PTPRN2: variants seen among roughly 807,000 people sequenced by gnomAD.
PTPRN2 encodes receptor-type tyrosine-protein phosphatase N2.
Under a neutral mutation model 118.8 loss-of-function variants are expected in PTPRN2, and 74 were observed. That is an observed-to-expected ratio of 0.62 (90% confidence interval 0.52 to 0.76). PTPRN2 has a LOEUF of 0.76. PTPRN2 is among the 30% of genes least tolerant of loss of function. PTPRN2 has a pLI of 0.00. For synonymous variants in PTPRN2, 641 were observed against 608.0 expected, an observed-to-expected ratio of 1.05 and a Z score of -0.80; for missense variants, 1,481 against 1,394.4, an observed-to-expected ratio of 1.06 and a Z score of -0.99.
Position 157,621,433 on chromosome 7 carries a change from T to G in PTPRN2, c.2273A>C (p.Glu758Ala). 6.2e-7 allele frequency: 1 copy of G among 1,613,912 alleles called. No individual in the cohort carries two copies. The highest frequency in any genetic ancestry group is 8.5e-7 in the Non-Finnish European group (1 of 1,180,006). Reference sequence around the variant, plus strand: ...CTGGGCCACGAACGAGCTGTTGGGCTCCGCCTGGTAGGCGCACAGCGCTTC... The same window carrying G: ...CTGGGCCACGAACGAGCTGTTGGGCGCCGCCTGGTAGGCGCACAGCGCTTC... ...EWEALCAYQAEPNSSFVAQRE... is the reference protein window; with the variant it reads ...EWEALCAYQAAPNSSFVAQRE... The change falls in exon 15 of 23, where the codon GAG (glutamate) becomes GCG (alanine). Residue 758 changes from glutamate to alanine, a missense_variant. Coordinates refer to ENST00000389418, the MANE Select transcript of PTPRN2 (RefSeq NM_002847.5).
intron 14 of PTPRN2, among the ~76,000 whole-genome samples, chr7:157,651,532 G>A (rs767314649): frequency 3.3e-4 from 50 of 152,174 alleles, no homozygotes; most frequent in Non-Finnish European, 4.7e-4. Flanking sequence ...AAAGGTGGAC[G>A]CGGTGGCTCC....
At chr7:157,555,899 G>A (rs1798852026) in intron 21 of PTPRN2, among the ~76,000 whole-genome samples, 1 of 152,232 alleles carries the variant, frequency 6.6e-6, no homozygotes, top group African/African-American at 2.4e-5. Flanking sequence ...TGCCCCAGGA[G>A]CGCAGAGCTC....
At chr7:158,080,018 C>A (rs1046710909) in intron 11 of PTPRN2, among the ~76,000 whole-genome samples, 1 of 152,152 alleles carries the variant, frequency 6.6e-6, no homozygotes, top group African/African-American at 2.4e-5. Context: ...ATTTCAACCA[C>A]AAATTCTCAG....
At position 157,674,799 on chromosome 7, in the gene PTPRN2, C is replaced by T. The variant is rs565270723; in HGVS notation, c.2001+7926G>A. ...GCACGAGGCTGTCACCTGGAGATTC[C>T]GGCCCTGCCGGGCGTCTCCTCCCAC... On this transcript the variant is annotated intron_variant, in intron 13 of 22. Coordinates refer to ENST00000389418, the MANE Select transcript of PTPRN2 (RefSeq NM_002847.5). This position sits in a 1 kb window ranked among gnomAD's most constrained non-coding sequence, Gnocchi z 4.5. Among the ~76,000 whole-genome samples, 9 of 152,240 alleles carry T rather than the reference C, an allele frequency of 5.9e-5. No homozygotes were observed. In the South Asian group the frequency reaches 1.0e-3, roughly 18 times the overall value.
intron 2 of PTPRN2, among the ~76,000 whole-genome samples, chr7:158,373,475 A>C (rs1009186729): frequency 6.6e-6 from 1 of 152,242 alleles, no homozygotes; most frequent in African/African-American, 2.4e-5. Context: ...TTAGTAAACT[A>C]GTATTCCCAA....
intron 11 of PTPRN2, among the ~76,000 whole-genome samples, chr7:157,933,321 T>C (rs1000627333): frequency 1.4e-5 from 2 of 138,432 alleles, no homozygotes; most frequent in African/African-American, 5.5e-5. Context: ...GAAGGGTGAG[T>C]CATTCTGATT....
intron 12 of PTPRN2, among the ~76,000 whole-genome samples, chr7:157,708,757 G>A (rs939522665): frequency 2.0e-5 from 3 of 152,122 alleles, no homozygotes; most frequent in African/African-American, 7.2e-5. Context: ...TGCTCTCCGT[G>A]AGACTTACGG....
At position 157,569,410 on chromosome 7, in the gene PTPRN2, C is replaced by T. The variant is rs576300687; in HGVS notation, c.2838-444G>A. Among the ~76,000 whole-genome samples, 341 of 152,374 alleles carry T rather than the reference C, an allele frequency of 2.2e-3. 1 individual carries two copies. Among genetic ancestry groups the T allele is most frequent in the African/African-American group, 7.6e-3 (316 of 41,584 alleles). On this transcript the variant is annotated intron_variant, in intron 20 of 22. Transcript: ENST00000389418. ...GCTGGGCGGCTGGGCCCCGCTGGCT[C>T]ATGCACGCAGGGACACTTCAGGCAC...
chr7:158,518,709 G>T (rs887364860), intron 1 of PTPRN2, among the ~76,000 whole-genome samples: 2 of 152,198 alleles, frequency 1.3e-5, no homozygotes, highest in African/African-American at 2.4e-5. Context: ...TTGAGGCCAG[G>T]CGCGGTGGTT....
chr7:158,333,688 AC>A (rs1376115047), intron 2 of PTPRN2, among the ~76,000 whole-genome samples: 407 of 150,634 alleles, frequency 2.7e-3, no homozygotes, highest in African/African-American at 9.7e-3. Flanking sequence ...CATCACTCAC[AC>A]CCACACTGTC....
In PTPRN2 at chr7:157,690,210, C is replaced by G. The variant is rs1007625896; in HGVS notation, c.1789-7273G>C. On this transcript the variant is annotated intron_variant, in intron 12 of 22. Coordinates refer to ENST00000389418, the MANE Select transcript of PTPRN2 (RefSeq NM_002847.5). The surrounding 1 kb of genome is among the most constrained non-coding windows in gnomAD (Gnocchi z 7.1). ...TCCAAATCTGTGCGCTCAGAAGGAG[C>G]TGCCCTTTGCCCGCTCCTCCTCACA... Among the ~76,000 whole-genome samples, 1 of 152,204 alleles carries G rather than the reference C, an allele frequency of 6.6e-6. No individual in the cohort carries two copies. Among genetic ancestry groups the G allele is most frequent in the Admixed American group, 6.5e-5 (1 of 15,294 alleles).
At chr7:158,399,726 T>A (rs1258946000) in intron 2 of PTPRN2, among the ~76,000 whole-genome samples, 1 of 151,798 alleles carries the variant, frequency 6.6e-6, no homozygotes, top group East Asian at 1.9e-4. Flanking sequence ...GAGGAAATTT[T>A]TAAAAGAAAA....
chr7:157,603,387 G>A lies in PTPRN2; in HGVS notation c.2418+615C>T, dbSNP rs2150581053. On this transcript the variant is annotated intron_variant, in intron 16 of 22. Coordinates refer to ENST00000389418, the MANE Select transcript of PTPRN2 (RefSeq NM_002847.5). This position sits in a 1 kb window ranked among gnomAD's most constrained non-coding sequence, Gnocchi z 5.4. ...TGAGAGGAGCCCCTGGGAAGTGAGGGACCACAGGCCACAGGGACTCATAAC... is the reference window on the plus strand; with the variant it reads ...TGAGAGGAGCCCCTGGGAAGTGAGGAACCACAGGCCACAGGGACTCATAAC... 6.6e-6 allele frequency among the ~76,000 whole-genome samples: 1 copy of A among 152,242 alleles called. No homozygotes were observed. The highest frequency in any genetic ancestry group is 2.1e-4 in the South Asian group (1 of 4,826).
At chr7:157,710,788 G>A (rs28513358) in intron 12 of PTPRN2, among the ~76,000 whole-genome samples, 84,412 of 119,224 alleles carry the variant, frequency 0.71, 29,128 homozygotes, top group South Asian at 0.8. Context: ...CGGGGCAGCC[G>A]GGTTACACGC....
At chr7:158,333,303 C>T (rs1375003940) in intron 2 of PTPRN2, among the ~76,000 whole-genome samples, 5 of 115,854 alleles carry the variant, frequency 4.3e-5, no homozygotes, top group African/African-American at 1.7e-4. Flanking sequence ...GAGGTGACAT[C>T]TGCAGACGTC....
chr7:158,097,966 G>C (rs188617453), intron 10 of PTPRN2, among the ~76,000 whole-genome samples: 1 of 152,128 alleles, frequency 6.6e-6, no homozygotes, highest in East Asian at 1.9e-4. Flanking sequence ...AGGCAGCACC[G>C]CGTGGCCGTG....
chr7:158,071,398 TCG>T (rs1563391057), intron 11 of PTPRN2, among the ~76,000 whole-genome samples: 3 of 90,816 alleles, frequency 3.3e-5, no homozygotes, highest in South Asian at 4.2e-4. Flanking sequence ...GTGGAGGTGC[TCG>T]TGGTGGAGTT....
At chr7:158,149,119 AATGACACCCCATCTCACG>A (rs1344330017) in intron 6 of PTPRN2, among the ~76,000 whole-genome samples, 4 of 150,306 alleles carry the variant, frequency 2.7e-5, no homozygotes, top group Admixed American at 1.3e-4. Flanking sequence ...TTTCCCCCTC[AATGACACCCCATCTCACG>A]CCACGTGTCT....
rs372537095 is a variant in PTPRN2 at position 158,276,920 on chromosome 7, T to A, written c.277+39899A>T. ...GGGCCATATGCTCAGGTGCTGTCTATCAGCTCTGGAGGGAGAAGCCAAACT... is the reference window on the plus strand; with the variant it reads ...GGGCCATATGCTCAGGTGCTGTCTAACAGCTCTGGAGGGAGAAGCCAAACT... On this transcript the variant is annotated intron_variant, in intron 3 of 22. Transcript: ENST00000389418. Among the ~76,000 whole-genome samples, 7 of 152,220 alleles carry A rather than the reference T, an allele frequency of 4.6e-5. 1 individual carries two copies. The South Asian group carries it at 1.5e-3, about 32-fold the overall frequency.
Sources: gnomAD v4.1 joint callset for allele counts (sites outside exome capture counted in the v4.1 genomes callset) on GRCh38, gnomAD v4.1.1 for gene constraint, Gnocchi (gnomAD v3.1) non-coding constraint, MANE v1.5 for transcripts, NCBI Gene and HGNC (gene_info 2026-07-23, HGNC 2026-07-21) for gene names.